NOL4L: variants seen among roughly 807,000 people sequenced by gnomAD.
NOL4L encodes nucleolar protein 4-like.
NOL4L carries 7 observed loss-of-function variants against 64.5 expected under a neutral mutation model. The observed-to-expected ratio is 0.11, with a 90% CI of 0.06 to 0.20. NOL4L has a LOEUF of 0.20. Among genes scored for constraint, NOL4L ranks in the 10% least tolerant of loss-of-function variants. NOL4L has a pLI of 1.00. For missense variants in NOL4L, 680 were observed against 967.1 expected (o/e 0.70, Z 3.94); for synonymous variants, 413 against 401.0 (o/e 1.03, Z -0.36).
intron 4 of NOL4L, chr20:32,486,624 A>T: frequency 2.2e-6 from 1 of 448,930 alleles, no homozygotes. Flanking sequence ...GACACTGTTC[A>T]AGCACGTCAA....
chr20:32,582,606 G>A (rs1248999864), intron 1 of NOL4L, among the ~76,000 whole-genome samples: 1 of 152,106 alleles, frequency 6.6e-6, no homozygotes. Flanking sequence ...CCCAACTCCA[G>A]GAGAGGGTGG....
At chr20:32,505,665 G>T (rs1264607289) in intron 4 of NOL4L, among the ~76,000 whole-genome samples, 4 of 152,232 alleles carry the variant, frequency 2.6e-5, no homozygotes, top group African/African-American at 9.6e-5. Flanking sequence ...GCAGTGAACT[G>T]TGATCGTGTC....
intron 5 of NOL4L, among the ~76,000 whole-genome samples, chr20:32,458,396 C>T (rs541806428): frequency 2.0e-5 from 3 of 152,380 alleles, no homozygotes; most frequent in Non-Finnish European, 2.9e-5. Context: ...GAGGCACTCA[C>T]GCCTCCAACC....
At chr20:32,497,678 A>T (rs2016749859) in intron 4 of NOL4L, among the ~76,000 whole-genome samples, 1 of 152,170 alleles carries the variant, frequency 6.6e-6, no homozygotes, top group Non-Finnish European at 1.5e-5. Context: ...TACAGGGACC[A>T]TCTGGATGTT....
At chr20:32,580,269 G>A (rs1292032515) in intron 1 of NOL4L, among the ~76,000 whole-genome samples, 3 of 152,070 alleles carry the variant, frequency 2.0e-5, no homozygotes, top group African/African-American at 4.8e-5. Flanking sequence ...GCGTATCAGC[G>A]CCTCAGCCCA....
chr20:32,500,692 CA>C (rs1454509451), intron 4 of NOL4L, among the ~76,000 whole-genome samples: 1 of 151,808 alleles, frequency 6.6e-6, no homozygotes, highest in Non-Finnish European at 1.5e-5. Flanking sequence ...AGGAAATATG[CA>C]AGATGAGCCT....
intron 1 of NOL4L, among the ~76,000 whole-genome samples, chr20:32,551,082 T>C (rs1449681435): frequency 2.7e-5 from 4 of 150,674 alleles, no homozygotes; most frequent in African/African-American, 9.8e-5. Flanking sequence ...AATACAGTAT[T>C]ATAATAATTT....
Position 32,447,795 on chromosome 20 carries a change from T to C in NOL4L, c.1844A>G (p.Lys615Arg). 6.4e-7 allele frequency: 1 copy of C among 1,567,914 alleles called. No homozygotes were observed. ...HSNGPTDLSM[K>R]GGASTTSTTP... ...GGTGGAGGTGGTAGAGGCCCCGCCT[T>C]TCATGCTGAGGTCCGTGGGCCCTGT... is the stretch of plus-strand genomic sequence containing the variant. Residue 615 changes from lysine (K) to arginine (R), a missense_variant, in exon 11 of 11, where the codon AAA (lysine) becomes AGA (arginine). Lys to Arg is a conservative substitution (Grantham distance 26). Around this residue, in one of 4 missense-constraint regions of NOL4L, gnomAD observed 175 missense variants for 227.0 expected, o/e 0.77. Coordinates refer to ENST00000621426, the MANE Select transcript of NOL4L (RefSeq NM_001256798.2).
intron 4 of NOL4L, among the ~76,000 whole-genome samples, chr20:32,499,365 C>A (rs1260138046): frequency 1.3e-5 from 2 of 152,134 alleles, no homozygotes; most frequent in Non-Finnish European, 2.9e-5. Flanking sequence ...TCACATAATG[C>A]TCATGTGGTC....
intron 10 of NOL4L, chr20:32,451,848 C>G (rs915958663): frequency 6.2e-6 from 1 of 162,132 alleles, no homozygotes; most frequent in African/African-American, 2.4e-5. Context: ...ATGGGTGAGA[C>G]AGACGGGGCT....
intron 1 of NOL4L, among the ~76,000 whole-genome samples, chr20:32,552,137 C>A (rs1366393251): frequency 6.6e-6 from 1 of 151,658 alleles, no homozygotes; most frequent in Non-Finnish European, 1.5e-5. Flanking sequence ...AATTATATCT[C>A]AAAAAAATGC....
chr20:32,453,959 A>G lies in NOL4L; in HGVS notation c.1120-198T>C, dbSNP rs923171217. On this transcript the variant is annotated intron_variant, in intron 6 of 10. Transcript: ENST00000621426. This position sits in a 1 kb window ranked among gnomAD's most constrained non-coding sequence, Gnocchi z 5.6. ...GTGCAATGGGGACAGCAATGCTACC[A>G]CCTCCCTCCCTGGGCTGCCGCAGGG... The G allele has an allele frequency of 1.0e-5, 6 of 592,640 alleles. No homozygotes were observed. The highest frequency in any genetic ancestry group is 1.8e-5 in the Non-Finnish European group (6 of 333,700). 36.7% of individuals were successfully genotyped at this position (592,640 alleles called of 1,614,324 possible).
intron 5 of NOL4L, among the ~76,000 whole-genome samples, chr20:32,469,090 G>GTCA (rs2014806658): frequency 6.6e-6 from 1 of 151,826 alleles, no homozygotes; most frequent in African/African-American, 2.4e-5. Flanking sequence ...GGCTCACAGG[G>GTCA]TCAGGCTGGG....
intron 1 of NOL4L, among the ~76,000 whole-genome samples, chr20:32,561,658 G>A (rs533901421): frequency 1.4e-4 from 21 of 152,306 alleles, no homozygotes; most frequent in Admixed American, 1.3e-3. Flanking sequence ...GGGGACAGGA[G>A]TGTGGAGGAG....
At chr20:32,584,109 C>G (rs1438653867) in intron 1 of NOL4L, among the ~76,000 whole-genome samples, 1 of 141,404 alleles carries the variant, frequency 7.1e-6, no homozygotes, top group Admixed American at 6.9e-5. Context: ...CCCCCCCCAC[C>G]CCGCGGCACC....
At position 32,456,373 on chromosome 20, in the gene NOL4L, G is replaced by A. The variant is rs772775235; in HGVS notation, c.864C>T (p.Gly288=). ...QEDDDSSSES[G]SGNGSSTLNP... is the part of the protein sequence containing the mutation. ...TCAGGGTGGAGGAGCCATTGCCGCT[G>A]CCACTCTCAGAGGAGGAGTCATCTG... The change falls in exon 6 of 11, where the codon GGC becomes GGT. Residue 288 remains glycine (G), a synonymous_variant. Transcript: ENST00000621426. 1.4e-5 allele frequency: 21 copies of A among 1,471,014 alleles called. No individual in the cohort carries two copies. The Admixed American group carries it at 4.9e-4, about 34-fold the overall frequency. The allele number at this position is 1,471,014 out of a possible 1,614,324, so 91.1% of individuals were successfully genotyped here. A position where few individuals can be genotyped will look rare whatever the true frequency, so the allele number is the denominator to read the frequency against.
chr20:32,564,362 G>T (rs1169587429), intron 1 of NOL4L, among the ~76,000 whole-genome samples: 1 of 152,200 alleles, frequency 6.6e-6, no homozygotes, highest in Non-Finnish European at 1.5e-5. Flanking sequence ...AGCCGCTCAT[G>T]GGTTGATACC....
intron 1 of NOL4L, among the ~76,000 whole-genome samples, chr20:32,553,870 A>G (rs575771477): frequency 4.6e-5 from 7 of 152,366 alleles, no homozygotes; most frequent in Admixed American, 1.3e-4. Context: ...ATGAGTTAAT[A>G]GTGACGTGCC....
At chr20:32,566,628 G>A (rs1979445445) in intron 1 of NOL4L, among the ~76,000 whole-genome samples, 1 of 152,082 alleles carries the variant, frequency 6.6e-6, no homozygotes, top group African/African-American at 2.4e-5. Flanking sequence ...CCCTCTACTT[G>A]GAATGTTTTT....
Sources: gnomAD v4.1 joint callset for allele counts (sites outside exome capture counted in the v4.1 genomes callset) on GRCh38, gnomAD v4.1.1 for gene constraint, gnomAD v4.1.1 regional missense constraint, Gnocchi (gnomAD v3.1) non-coding constraint, MANE v1.5 for transcripts, NCBI Gene and HGNC (gene_info 2026-07-23, HGNC 2026-07-21) for gene names.